Variants in TP73 observed in about 807,000 individuals in gnomAD.
TP73 encodes p53-like transcription factor.
Under a neutral mutation model 62.5 loss-of-function variants are expected in TP73, and 25 were observed. The ratio of observed to expected loss-of-function variants is 0.40; its 90% CI spans 0.29 to 0.56. TP73 has a LOEUF of 0.56. Ranked by LOEUF, TP73 falls within the 20% of genes least tolerant of loss-of-function variation. The pLI is 0.46. For synonymous variants in TP73, 423 were observed against 377.5 expected, an observed-to-expected ratio of 1.12 and a Z score of -1.40; for missense variants, 754 against 913.3, an observed-to-expected ratio of 0.83 and a Z score of 2.25.
rs2124517818 is a variant in TP73 at position 3,727,187 on chromosome 1, C to T, written c.805C>T (p.Arg269Trp). Residue 269 changes from arginine (R) to tryptophan (W), a missense_variant, in exon 7 of 14, where the codon CGG becomes TGG. By Grantham distance (101) the Arg-to-Trp change is moderately radical. Coordinates refer to ENST00000378295, the MANE Select transcript of TP73 (RefSeq NM_005427.4). The stretch of plus-strand genomic sequence containing the variant: ...CAGCTGTGTAGGGGGCATGAACCGG[C>T]GGCCCATCCTCATCATCATCACCCT... ...NSSCVGGMNR[R>W]PILIIITLEM... 3 of 1,612,158 alleles carry T rather than the reference C, an allele frequency of 1.9e-6. No homozygotes were observed. Among genetic ancestry groups the T allele is most frequent in the Non-Finnish European group, 2.5e-6 (3 of 1,179,570 alleles).
chr1:3,654,950 G>A (rs755895175), intron 1 of TP73, among the ~76,000 whole-genome samples: 55 of 152,254 alleles, frequency 3.6e-4, no homozygotes, highest in Non-Finnish European at 1.0e-4. Context: ...GGCCGAGAGA[G>A]GAGCCGCACA....
At position 3,733,799 on chromosome 1, in the gene TP73, A is replaced by T. The variant is rs1375695229; in HGVS notation, c.*720A>T. ...GGTACCGCCTCAGCCAGTGCCCCTC[A>T]GCCTGGCCACAGTCGCCTCTCCTCG... is the stretch of plus-strand genomic sequence containing the variant. On this transcript the variant is annotated 3_prime_UTR_variant, in exon 14 of 14. Transcript: ENST00000378295. 5.3e-5 allele frequency: 8 copies of T among 152,338 alleles called. No individual in the cohort carries two copies. Among genetic ancestry groups the T allele is most frequent in the African/African-American group, 1.9e-4 (8 of 41,570 alleles). 9.4% of individuals were successfully genotyped at this position (152,338 alleles called of 1,614,324 possible).
intron 3 of TP73, chr1:3,690,634 C>T (rs989530255): frequency 2.2e-6 from 3 of 1,363,280 alleles, no homozygotes; most frequent in Non-Finnish European, 1.9e-6. Context: ...GATGAATACT[C>T]ATGAGGAATA....
chr1:3,715,337 C>A (rs937658092), intron 4 of TP73, among the ~76,000 whole-genome samples: 5 of 152,102 alleles, frequency 3.3e-5, no homozygotes, highest in Admixed American at 3.3e-4. Context: ...AGGGGTGACG[C>A]CTCTGCAGTG....
rs766289738 is a variant in TP73 at position 3,707,567 on chromosome 1, A to G, written c.205A>G (p.Ser69Gly). The G allele has an allele frequency of 8.7e-6, 14 of 1,611,326 alleles. No homozygotes were observed. The South Asian group carries it at 1.5e-4, about 18-fold the overall frequency. Residue 69 changes from serine (S) to glycine (G), a missense_variant, in exon 4 of 14, where the codon AGC becomes GGC. Transcript: ENST00000378295. ...TSVMAQFNLL[S>G]STMDQMSSRA... is the part of the protein sequence containing the mutation. ...GCGCCAGGCCCAGTTCAATCTGCTG[A>G]GCAGCACCATGGACCAGATGAGCAG...
chr1:3,664,321 C>G (rs1236247559), intron 1 of TP73, among the ~76,000 whole-genome samples: 1 of 152,200 alleles, frequency 6.6e-6, no homozygotes, highest in African/African-American at 2.4e-5. Context: ...CCCCCCGTGG[C>G]TCAGGGTGCC....
At chr1:3,702,864 C>A (rs1268712832) in intron 3 of TP73, among the ~76,000 whole-genome samples, 1 of 152,246 alleles carries the variant, frequency 6.6e-6, no homozygotes, top group African/African-American at 2.4e-5. Flanking sequence ...CCGGGTTCCT[C>A]CCCGTGGCTT....
At chr1:3,698,240 T>G in intron 3 of TP73, 1 of 508,600 alleles carries the variant, frequency 2.0e-6, no homozygotes, top group Non-Finnish European at 2.5e-6. Context: ...TCTGGGGTGC[T>G]GGCAGCAGGG....
intron 9 of TP73, 124 bp from the exon 10 acceptor site, chr1:3,729,203 G>A: frequency 2.2e-6 from 3 of 1,341,946 alleles, no homozygotes; most frequent in East Asian, 2.3e-5. Flanking sequence ...GAGCCTCTGG[G>A]GTGCTGGGGA....
intron 4 of TP73, among the ~76,000 whole-genome samples, chr1:3,719,890 T>TTGTGTGTGTGTG (rs5772122): frequency 0.013 from 1,658 of 132,186 alleles, 23 homozygotes; most frequent in African/African-American, 0.029. Flanking sequence ...TTTTTTCTCT[T>TTGTGTGTGTGTG]TGTGTGTGTG....
chr1:3,674,180 G>A (rs371601125), intron 1 of TP73, among the ~76,000 whole-genome samples: 44 of 152,264 alleles, frequency 2.9e-4, no homozygotes, highest in African/African-American at 9.1e-4. Flanking sequence ...CCCCACCCAC[G>A]GGGGGTCGGG....
chr1:3,657,942 G>A (rs548849420), intron 1 of TP73, among the ~76,000 whole-genome samples: 4 of 152,358 alleles, frequency 2.6e-5, no homozygotes, highest in South Asian at 4.1e-4. Context: ...ACCGGGAGAG[G>A]CGAGACCCGG....
rs769447449 is a variant in TP73, at chr1:3,723,479, G to A, written c.732+10G>A. On this transcript the variant is annotated intron_variant, in intron 6 of 13. Coordinates refer to ENST00000378295, the MANE Select transcript of TP73 (RefSeq NM_005427.4). ...CTATGAGCCACCACAGGTAGGCCAG[G>A]AGCCAGGCTGTGCCCAGGGCCCTGC... 7 of 1,603,248 alleles carry A rather than the reference G, an allele frequency of 4.4e-6. No individual in the cohort carries two copies. Among genetic ancestry groups the A allele is most frequent in the Non-Finnish European group, 5.1e-6 (6 of 1,173,028 alleles).
rs1003265052 is a variant in TP73 at position 3,696,701 on chromosome 1, T to C, written c.187-10848T>C. Among the ~76,000 whole-genome samples, 1 of 152,074 alleles carries C rather than the reference T, an allele frequency of 6.6e-6. No individual in the cohort carries two copies. The highest frequency in any genetic ancestry group is 2.1e-4 in the South Asian group (1 of 4,822). ...GCCCAACTGGGAATGGCTCATGGGATTGCTGAGCATGGCCAAGGGAGCCCT... is the reference window on the plus strand; with the variant it reads ...GCCCAACTGGGAATGGCTCATGGGACTGCTGAGCATGGCCAAGGGAGCCCT... On this transcript the variant is annotated intron_variant, in intron 3 of 13. Coordinates refer to ENST00000378295, the MANE Select transcript of TP73 (RefSeq NM_005427.4). The surrounding 1 kb of genome is among the most constrained non-coding windows in gnomAD (Gnocchi z 4.1).
intron 3 of TP73, among the ~76,000 whole-genome samples, chr1:3,692,927 G>A (rs564477230): frequency 3.7e-4 from 57 of 152,326 alleles, no homozygotes; most frequent in Non-Finnish European, 6.3e-4. Flanking sequence ...GCTGCTGCCC[G>A]GTGCCCTGGG....
At chr1:3,718,506 G>C (rs536707056) in intron 4 of TP73, among the ~76,000 whole-genome samples, 1 of 152,038 alleles carries the variant, frequency 6.6e-6, no homozygotes, top group Non-Finnish European at 1.5e-5. Context: ...CCAGGCGGGC[G>C]GGAGCTCAGG....
At chr1:3,682,934 T>C in intron 2 of TP73, 126 bp from the exon 3 acceptor site, 1 of 1,296,520 alleles carries the variant, frequency 7.7e-7, no homozygotes, top group Non-Finnish European at 1.1e-6. Context: ...TGAGAGGGAA[T>C]GGGAAGGGCA....
At chr1:3,669,214 A>T (rs957619403) in intron 1 of TP73, among the ~76,000 whole-genome samples, 81 of 151,846 alleles carry the variant, frequency 5.3e-4, no homozygotes, top group African/African-American at 1.5e-3. Context: ...AGTCGGGGGG[A>T]GTCTCCTTGC....
chr1:3,729,421 G>A lies in TP73; in HGVS notation c.1169G>A (p.Arg390Gln), dbSNP rs1314610892. The change falls in exon 10 of 14, where the codon CGG becomes CAG. Residue 390 changes from arginine (R) to glutamine (Q), a missense_variant. Arg to Gln is a conservative substitution (Grantham distance 43). Around this residue, in one of 3 missense-constraint regions of TP73, gnomAD observed 458 missense variants for 528.7 expected, o/e 0.87. Coordinates refer to ENST00000378295, the MANE Select transcript of TP73 (RefSeq NM_005427.4). ...LVPQPLVDSYRQQQQLLQRPS... is the reference protein window; with the variant it reads ...LVPQPLVDSYQQQQQLLQRPS... ...CCGCAGCCACTGGTGGACTCCTATC[G>A]GCAGCAGCAGCAGCTCCTACAGAGG... 3.2e-5 allele frequency: 51 copies of A among 1,612,740 alleles called. 3 individuals carry two copies. In the South Asian group the frequency reaches 5.1e-4, roughly 16 times the overall value.
Sources: allele counts gnomAD v4.1 joint callset (sites outside exome capture counted in the v4.1 genomes callset), GRCh38; gene constraint gnomAD v4.1.1; regional missense constraint gnomAD v4.1.1; non-coding constraint Gnocchi (gnomAD v3.1); transcripts MANE v1.5; gene names NCBI Gene and HGNC (gene_info 2026-07-23, HGNC 2026-07-21).